The following TMEM143 variants were observed in gnomAD, a reference collection of about 807,000 sequenced individuals.
TMEM143 encodes the protein transmembrane protein 143.
Under a neutral mutation model 40.3 loss-of-function variants are expected in TMEM143, and 45 were observed. The observed-to-expected ratio is 1.12, with a 90% CI of 0.88 to 1.43. The LOEUF (loss-of-function observed/expected upper bound fraction) is 1.43, where lower values mean the gene tolerates loss of function less well. Ranked by LOEUF, TMEM143 falls within the 40% of genes most tolerant of loss-of-function variation. The pLI, the probability that TMEM143 is intolerant of heterozygous loss-of-function variation, is 0.00. For missense variants in TMEM143, 620 were observed against 613.4 expected (o/e 1.01, Z -0.11); for synonymous variants, 299 against 282.7 (o/e 1.06, Z -0.58).
rs986615772 is a variant in TMEM143 at position 48,332,372 on chromosome 19, G to A, written c.*847C>T. On this transcript the variant is annotated 3_prime_UTR_variant, in exon 8 of 8. Coordinates refer to ENST00000293261, the MANE Select transcript of TMEM143 (RefSeq NM_018273.4). ...AGCCTCATCCAGACTTATTAAACAT[G>A]ATTTATTACTTTGGGACAGGAGACG... 35 of 152,240 alleles carry A rather than the reference G, an allele frequency of 2.3e-4. No homozygotes were observed. Among genetic ancestry groups the A allele is most frequent in the African/African-American group, 8.0e-4 (33 of 41,442 alleles). 9.4% of individuals were successfully genotyped at this position (152,240 alleles called of 1,614,324 possible). A position where few individuals can be genotyped will look rare whatever the true frequency, so the allele number is the denominator to read the frequency against.
chr19:48,351,888 G>T (rs1315528210), intron 3 of TMEM143, among the ~76,000 whole-genome samples: 2 of 151,950 alleles, frequency 1.3e-5, no homozygotes, highest in Non-Finnish European at 2.9e-5. Context: ...GGTATCCATA[G>T]GACATCAGTT....
At chr19:48,336,548 C>A (rs1006923898) in intron 6 of TMEM143, among the ~76,000 whole-genome samples, 23 of 151,304 alleles carry the variant, frequency 1.5e-4, no homozygotes, top group Non-Finnish European at 5.9e-5. Context: ...AATAAAAATA[C>A]AAAAATTAGT....
Position 48,342,632 on chromosome 19 carries a change from C to T in TMEM143, c.873G>A (p.Ala291=), listed in dbSNP as rs1371713652. The T allele has an allele frequency of 7.4e-6, 12 of 1,613,872 alleles. No individual in the cohort carries two copies. The highest frequency in any genetic ancestry group is 2.2e-5 in the East Asian group (1 of 44,900). ...LNLMLVVSGV[A]IFVNVGMVVL... The stretch of plus-strand genomic sequence containing the variant: ...CCACCATGCCCACGTTGACGAAGAT[C>T]GCCACGCCGGAGACTACCAGCATGA... The change falls in exon 6 of 8, where the codon GCG becomes GCA. Residue 291 remains alanine (A), a synonymous_variant. Coordinates refer to ENST00000293261, the MANE Select transcript of TMEM143 (RefSeq NM_018273.4).
At position 48,347,775 on chromosome 19, in the gene TMEM143, C is replaced by G. The variant is rs566295639; in HGVS notation, c.370-2421G>C. On this transcript the variant is annotated intron_variant, in intron 3 of 7. Transcript: ENST00000293261. Reference sequence around the variant, plus strand: ...GTTTCACCATATTGGCCAGGCTGGTCTCAAACTCCTGACCTTGTGATCCAC... The same window carrying G: ...GTTTCACCATATTGGCCAGGCTGGTGTCAAACTCCTGACCTTGTGATCCAC... Among the ~76,000 whole-genome samples the G allele has an allele frequency of 3.3e-5, 5 of 151,280 alleles. No homozygotes were observed. The East Asian group carries it at 7.8e-4, about 24-fold the overall frequency.
intron 3 of TMEM143, among the ~76,000 whole-genome samples, chr19:48,349,313 C>A (rs889500067): frequency 2.6e-5 from 4 of 152,128 alleles, no homozygotes; most frequent in Non-Finnish European, 4.4e-5. Context: ...CCATTGAAGT[C>A]TTACTCTCTG....
chr19:48,350,562 A>T (rs1189333865), intron 3 of TMEM143, among the ~76,000 whole-genome samples: 1 of 152,088 alleles, frequency 6.6e-6, no homozygotes, highest in Non-Finnish European at 1.5e-5. Flanking sequence ...ATGCAGGCCC[A>T]GTTTCACTCC....
Position 48,343,330 on chromosome 19 carries a change from G to A in TMEM143, c.686C>T (p.Pro229Leu). Residue 229 changes from proline to leucine, a missense_variant, in exon 5 of 8, where the codon CCT (proline) becomes CTT (leucine). Physicochemically the swap from Pro to Leu is moderately conservative, Grantham distance 98. Coordinates refer to ENST00000293261, the MANE Select transcript of TMEM143 (RefSeq NM_018273.4). ...SRRGFFTKLP[P>L]AERRYFKRVV... ...ACAAGGGCCGCCTCACCTCTCCGCA[G>A]GGGGCAGCTTGGTGAAGAAGCCACG... 4.3e-6 allele frequency: 7 copies of A among 1,610,678 alleles called. No individual in the cohort carries two copies. The highest frequency in any genetic ancestry group is 4.2e-6 in the Non-Finnish European group (5 of 1,179,238).
rs777826913 is a variant in TMEM143 at position 48,342,857 on chromosome 19, CG to C, written c.696-49del. 10 of 1,529,652 alleles carry C rather than the reference CG, an allele frequency of 6.5e-6. No individual in the cohort carries two copies. The African/African-American group carries it at 9.6e-5, about 15-fold the overall frequency. The allele number at this position is 1,529,652 out of a possible 1,614,324, so 94.8% of individuals were successfully genotyped here. The stretch of plus-strand genomic sequence containing the variant: ...GGAGCAGGATCGGGACTGCACTGCC[CG>C]GGGAGCCCCCTCCAATCCTAGGACG... On this transcript the variant is annotated intron_variant, in intron 5 of 7. Coordinates refer to ENST00000293261, the MANE Select transcript of TMEM143 (RefSeq NM_018273.4).
At chr19:48,335,589 G>A (rs1186653344) in intron 6 of TMEM143, among the ~76,000 whole-genome samples, 1 of 152,174 alleles carries the variant, frequency 6.6e-6, no homozygotes. Context: ...CGGGCATGGT[G>A]GCTCATGCCT....
At chr19:48,354,787 A>C (rs530411587) in intron 3 of TMEM143, among the ~76,000 whole-genome samples, 1 of 152,294 alleles carries the variant, frequency 6.6e-6, no homozygotes, top group South Asian at 2.1e-4. Context: ...ACTAGTGAAC[A>C]ACCAAGCTAT....
chr19:48,360,279 T>A, intron 2 of TMEM143, 103 bp from the exon 3 acceptor site: 1 of 1,192,292 alleles, frequency 8.4e-7, no homozygotes, highest in Non-Finnish European at 1.2e-6. Context: ...AGCTCTGGAC[T>A]TTGAAGTTTT....
rs747702752 is a variant in TMEM143, at chr19:48,342,563, G to GAGC, written c.939_941dup (p.Leu314dup). 53 of 1,611,980 alleles carry GAGC rather than the reference G, an allele frequency of 3.3e-5. No individual in the cohort carries two copies. Among genetic ancestry groups the GAGC allele is most frequent in the Admixed American group, 6.7e-5 (4 of 59,908 alleles). On this transcript the variant is annotated inframe_insertion, in exon 6 of 8. Transcript: ENST00000293261. ...CCCGCAGGCCCATGAAGATGGCGAA[G>GAGC]AGCAGCAGCAGCAGGGAGGTGGCCA...
In TMEM143 at chr19:48,334,056, G is replaced by T; in HGVS notation, c.1117C>A (p.His373Asn). Residue 373 changes from histidine to asparagine, a missense_variant, in exon 7 of 8, where the codon CAC (histidine) becomes AAC (asparagine). By Grantham distance (68) the His-to-Asn change is moderately conservative. Coordinates refer to ENST00000293261, the MANE Select transcript of TMEM143 (RefSeq NM_018273.4). ...CCTGGCCGCCGGGCCAGGAAGCTGT[G>T]AGCCAGCAGCGCCTCCTTGGTGTGC... ...DEHTKEALLAHSFLARRPGGT... is the reference protein window; with the variant it reads ...DEHTKEALLANSFLARRPGGT... The T allele has an allele frequency of 6.3e-7, 1 of 1,578,768 alleles. No individual in the cohort carries two copies.
At chr19:48,358,942 G>A (rs1298633071) in intron 3 of TMEM143, among the ~76,000 whole-genome samples, 1 of 152,186 alleles carries the variant, frequency 6.6e-6, no homozygotes, top group African/African-American at 2.4e-5. Flanking sequence ...GCCAAGGCGG[G>A]TGGATCACTT....
chr19:48,361,452 A>T (rs1487978373), intron 2 of TMEM143, among the ~76,000 whole-genome samples: 1 of 151,674 alleles, frequency 6.6e-6, no homozygotes, highest in East Asian at 1.9e-4. Context: ...TCATGACCTC[A>T]GGTGATCCAC....
At chr19:48,343,021 T>C (rs886516105) in intron 5 of TMEM143, 4 of 697,778 alleles carry the variant, frequency 5.7e-6, no homozygotes, top group African/African-American at 5.4e-5. Flanking sequence ...GACGTGCAGA[T>C]TGTTTGTTGG....
chr19:48,347,554 CTT>C (rs1309165553), intron 3 of TMEM143, among the ~76,000 whole-genome samples: 525 of 128,382 alleles, frequency 4.1e-3, no homozygotes, highest in African/African-American at 0.013. Context: ...CTCTACAAAA[CTT>C]TTTTTTTTTT....
At chr19:48,358,354 A>T (rs1182304580) in intron 3 of TMEM143, among the ~76,000 whole-genome samples, 2 of 151,886 alleles carry the variant, frequency 1.3e-5, no homozygotes, top group East Asian at 1.9e-4. Flanking sequence ...ATTGCACTCT[A>T]GCCTGGGCAG....
At chr19:48,359,509 G>GTTT (rs775409244) in intron 3 of TMEM143, among the ~76,000 whole-genome samples, 1 of 88,616 alleles carries the variant, frequency 1.1e-5, no homozygotes, top group Non-Finnish European at 2.2e-5. Flanking sequence ...ACCCCTCTTT[G>GTTT]TTTTTTTTTT....
Sources: gnomAD v4.1 joint callset for allele counts (sites outside exome capture counted in the v4.1 genomes callset) on GRCh38, gnomAD v4.1.1 for gene constraint, MANE v1.5 for transcripts, NCBI Gene and HGNC (gene_info 2026-07-23, HGNC 2026-07-21) for gene names.